The following ADAMTS18 variants were observed in gnomAD, a reference collection of about 807,000 sequenced individuals.
ADAMTS18 encodes the protein ADAM metallopeptidase with thrombospondin type 1 motif 18.
Under a neutral mutation model 165.9 loss-of-function variants are expected in ADAMTS18, and 157 were observed. The ratio of observed to expected loss-of-function variants is 0.95; its 90% CI spans 0.83 to 1.08. The LOEUF (loss-of-function observed/expected upper bound fraction) is 1.08, where lower values mean the gene tolerates loss of function less well. Ranked by LOEUF, ADAMTS18 falls within the 50% of genes least tolerant of loss-of-function variation. The pLI is 0.00. For missense variants in ADAMTS18, 2,040 were observed against 1,534.0 expected (o/e 1.33, Z -5.51); for synonymous variants, 782 against 578.2 (o/e 1.35, Z -5.06).
chr16:77,317,415 C>G (rs1213636264), intron 16 of ADAMTS18, among the ~76,000 whole-genome samples: 1 of 152,156 alleles, frequency 6.6e-6, no homozygotes, highest in Non-Finnish European at 1.5e-5. Flanking sequence ...CTCACTGCAA[C>G]CTGTGCCTCC....
chr16:77,366,282 G>C (rs1439040501), intron 4 of ADAMTS18, among the ~76,000 whole-genome samples: 1 of 152,186 alleles, frequency 6.6e-6, no homozygotes, highest in East Asian at 1.9e-4. Flanking sequence ...CTTTTGGCTG[G>C]GCGCAGTGGC....
At chr16:77,336,265 AG>A in intron 11 of ADAMTS18, among the ~76,000 whole-genome samples, 1 of 152,194 alleles carries the variant, frequency 6.6e-6, no homozygotes. Context: ...CACTACTTAA[AG>A]AACAATTCGG....
intron 3 of ADAMTS18, among the ~76,000 whole-genome samples, chr16:77,372,348 C>T (rs1324789611): frequency 1.3e-5 from 2 of 152,114 alleles, no homozygotes; most frequent in Admixed American, 1.3e-4. Context: ...TCACAATAGC[C>T]AAGACACAGA....
At chr16:77,332,762 C>G (rs116570475) in intron 12 of ADAMTS18, among the ~76,000 whole-genome samples, 1,638 of 152,236 alleles carry the variant, frequency 0.011, 29 homozygotes, top group African/African-American at 0.037. Flanking sequence ...TATGACCAGA[C>G]CAAAGAGTGC....
intron 9 of ADAMTS18, among the ~76,000 whole-genome samples, chr16:77,355,191 T>A (rs1318021): frequency 0.52 from 76,806 of 149,006 alleles, 20,190 homozygotes; most frequent in Non-Finnish European, 0.59. Flanking sequence ...ATATAGATTA[T>A]AAAGGTAGGA....
intron 16 of ADAMTS18, among the ~76,000 whole-genome samples, chr16:77,311,460 G>T (rs547287856): frequency 5.3e-5 from 8 of 152,088 alleles, no homozygotes; most frequent in Non-Finnish European, 1.0e-4. Flanking sequence ...TACAGCCATG[G>T]ATCACTTGGA....
At chr16:77,362,049 T>C (rs1486470896) in intron 7 of ADAMTS18, 56 bp downstream of exon 7, 1 of 1,592,716 alleles carries the variant, frequency 6.3e-7, no homozygotes. Context: ...CATAGAAAGT[T>C]TCCATACTGT....
At chr16:77,396,066 A>C (rs2057252945) in intron 3 of ADAMTS18, among the ~76,000 whole-genome samples, 1 of 152,206 alleles carries the variant, frequency 6.6e-6, no homozygotes, top group South Asian at 2.1e-4. Flanking sequence ...CCTCAAAAGA[A>C]GTTTAGCAAC....
At chr16:77,425,555 C>A (rs371284287) in intron 3 of ADAMTS18, among the ~76,000 whole-genome samples, 22 of 152,280 alleles carry the variant, frequency 1.4e-4, no homozygotes, top group South Asian at 1.0e-3. Flanking sequence ...ACACTTTTTG[C>A]ATGTCTTTTC....
intron 3 of ADAMTS18, among the ~76,000 whole-genome samples, chr16:77,382,173 C>A (rs115757498): frequency 0.013 from 1,924 of 152,234 alleles, 37 homozygotes; most frequent in African/African-American, 0.044. Flanking sequence ...CTGAGATAGC[C>A]AAATACACAC....
chr16:77,367,279 TCATC>T (rs1325825921), intron 4 of ADAMTS18, among the ~76,000 whole-genome samples, 158 bp downstream of exon 4: 1 of 152,208 alleles, frequency 6.6e-6, no homozygotes, highest in African/African-American at 2.4e-5. Context: ...GAATAATTGA[TCATC>T]CAGCATTTGC....
intron 9 of ADAMTS18, 59 bp from the exon 10 acceptor site, chr16:77,353,945 G>A (rs575024852): frequency 1.3e-5 from 21 of 1,599,666 alleles, no homozygotes; most frequent in African/African-American, 1.2e-4. Flanking sequence ...TTCCATTTAC[G>A]ACAACACACT....
At chr16:77,410,001 A>G (rs1413057227) in intron 3 of ADAMTS18, among the ~76,000 whole-genome samples, 2 of 152,142 alleles carry the variant, frequency 1.3e-5, no homozygotes, top group Non-Finnish European at 2.9e-5. Context: ...ACAATTACAT[A>G]TAGGACTGTA....
chr16:77,327,077 T>C (rs1225489249), intron 12 of ADAMTS18, among the ~76,000 whole-genome samples: 2 of 152,244 alleles, frequency 1.3e-5, no homozygotes, highest in African/African-American at 4.8e-5. Flanking sequence ...ATGTACCACA[T>C]TTCTTTATCC....
At chr16:77,424,471 A>G (rs1474646436) in intron 3 of ADAMTS18, among the ~76,000 whole-genome samples, 2 of 150,734 alleles carry the variant, frequency 1.3e-5, no homozygotes, top group Non-Finnish European at 3.0e-5. Context: ...TCCATCTCAA[A>G]AAAAAAAAAA....
chr16:77,302,430 T>C (rs2055602196), intron 16 of ADAMTS18, among the ~76,000 whole-genome samples: 1 of 152,166 alleles, frequency 6.6e-6, no homozygotes, highest in African/African-American at 2.4e-5. Flanking sequence ...ACAATGTGAG[T>C]GCAATGCATA....
Position 77,321,114 on chromosome 16 carries a change from T to C in ADAMTS18, c.2252A>G (p.Tyr751Cys). Residue 751 changes from tyrosine (Y) to cysteine (C), a missense_variant, in exon 15 of 23, where the codon TAT (tyrosine) becomes TGT (cysteine). By Grantham distance (194) the Tyr-to-Cys change is radical (BLOSUM62 -2). Transcript: ENST00000282849. ...ATGCTGGTTGAGGTACAGGCCTTTATAAAACTTGCAAGTTGAATTATCACC... is the reference window on the plus strand; with the variant it reads ...ATGCTGGTTGAGGTACAGGCCTTTACAAAACTTGCAAGTTGAATTATCACC... Reference protein sequence around the residue: ...CKGDNSTCKFYKGLYLNQHKA... With the variant: ...CKGDNSTCKFCKGLYLNQHKA... 1 of 1,614,202 alleles carries C rather than the reference T, an allele frequency of 6.2e-7. No homozygotes were observed. The highest frequency in any genetic ancestry group is 8.5e-7 in the Non-Finnish European group (1 of 1,180,030).
At chr16:77,343,582 A>G (rs1171258475) in intron 10 of ADAMTS18, among the ~76,000 whole-genome samples, 1 of 152,162 alleles carries the variant, frequency 6.6e-6, no homozygotes, top group East Asian at 1.9e-4. Context: ...GAACTTTTAA[A>G]ATCACACAGC....
intron 7 of ADAMTS18, 30 bp downstream of exon 7, chr16:77,362,075 G>A: frequency 1.2e-6 from 2 of 1,612,842 alleles, no homozygotes; most frequent in South Asian, 2.2e-5. Flanking sequence ...CAGCTAACAG[G>A]TGTGTGTGAA....
Sources: allele counts gnomAD v4.1 joint callset (sites outside exome capture counted in the v4.1 genomes callset), GRCh38; gene constraint gnomAD v4.1.1; transcripts MANE v1.5; gene names NCBI Gene and HGNC (gene_info 2026-07-23, HGNC 2026-07-21).